OSBPL5: variants seen among roughly 807,000 people sequenced by gnomAD.
OSBPL5 encodes oxysterol-binding protein-related protein 5.
OSBPL5 carries 71 observed loss-of-function variants against 111.2 expected under a neutral mutation model. That is an observed-to-expected ratio of 0.64 (90% CI 0.53 to 0.78). The LOEUF (loss-of-function observed/expected upper bound fraction) is 0.78. Among genes scored for constraint, OSBPL5 ranks in the 30% least tolerant of loss-of-function variants. The probability of loss-of-function intolerance (pLI) is 0.00; values close to 1 mark genes in which losing one functional copy is unlikely to be tolerated. For synonymous variants in OSBPL5, 549 were observed against 513.9 expected (o/e 1.07, Z -0.93); for missense variants, 1,210 against 1,189.3 (o/e 1.02, Z -0.26).
rs139155313 is a variant in OSBPL5 at position 3,089,036 on chromosome 11, T to G, written c.2502-693A>C. Among the ~76,000 whole-genome samples, 1,261 of 152,326 alleles carry G rather than the reference T, an allele frequency of 8.3e-3. 8 individuals carry two copies. Among genetic ancestry groups the G allele is most frequent in the Middle Eastern group, 0.024 (7 of 294 alleles). The stretch of plus-strand genomic sequence containing the variant: ...CGGTATCCAGTTTGCTGCAGAAGCT[T>G]CTGGCTGAGTCCTGGCCACCTGCCT... On this transcript the variant is annotated intron_variant, in intron 21 of 21. Coordinates refer to ENST00000263650, the MANE Select transcript of OSBPL5 (RefSeq NM_020896.4).
At chr11:3,145,144 C>G (rs560581777) in intron 1 of OSBPL5, among the ~76,000 whole-genome samples, 1 of 152,356 alleles carries the variant, frequency 6.6e-6, no homozygotes, top group South Asian at 2.1e-4. Context: ...CTGCGTGCAC[C>G]TGGGCTGGCC....
intron 1 of OSBPL5, among the ~76,000 whole-genome samples, chr11:3,143,230 C>T (rs1371759034): frequency 7.0e-5 from 2 of 28,688 alleles, no homozygotes; most frequent in African/African-American, 3.3e-4. Flanking sequence ...GAGGCAGGTG[C>T]GGGGGGGGCA....
intron 14 of OSBPL5, among the ~76,000 whole-genome samples, chr11:3,098,045 G>C (rs1204208070): frequency 6.6e-6 from 1 of 152,102 alleles, no homozygotes; most frequent in Non-Finnish European, 1.5e-5. Flanking sequence ...TCCAGCCCGG[G>C]CAACAAGAGT....
At position 3,122,433 on chromosome 11, in the gene OSBPL5, AAG is replaced by A. The variant is rs748463988; in HGVS notation, c.220-7_220-6del. The stretch of plus-strand genomic sequence containing the variant: ...GTTGCACAGCCTGTACTCTGCCTGA[AAG>A]AGAGAGGTGGGTATGCGGGACAGGG... On this transcript the variant is annotated splice_polypyrimidine_tract_variant and splice_region_variant and intron_variant, in intron 3 of 21. Coordinates refer to ENST00000263650, the MANE Select transcript of OSBPL5 (RefSeq NM_020896.4). 6.2e-7 allele frequency: 1 copy of A among 1,613,290 alleles called. No individual in the cohort carries two copies. Among genetic ancestry groups the A allele is most frequent in the Non-Finnish European group, 8.5e-7 (1 of 1,179,746 alleles).
Position 3,107,475 on chromosome 11 carries a change from A to G in OSBPL5, c.867-20T>C. On this transcript the variant is annotated intron_variant, in intron 8 of 21. Transcript: ENST00000263650. The surrounding 1 kb of genome is among the most constrained non-coding windows in gnomAD (Gnocchi z 6.1). ...TTCAGTCTGGAAGGTGGATGGTGCC[A>G]GTGGGTCCCTGTCACAGGTGAGAGC... 2 of 1,613,132 alleles carry G rather than the reference A, an allele frequency of 1.2e-6. No homozygotes were observed. The highest frequency in any genetic ancestry group is 4.5e-5 in the East Asian group (2 of 44,866).
At chr11:3,124,019 A>G (rs770594187) in intron 3 of OSBPL5, among the ~76,000 whole-genome samples, 6 of 152,226 alleles carry the variant, frequency 3.9e-5, no homozygotes, top group Non-Finnish European at 1.5e-5. Context: ...ACCAGCCACC[A>G]GCACGCAGAG....
At chr11:3,120,651 C>A (rs1004975691) in intron 5 of OSBPL5, 27 bp from the exon 6 acceptor site, 2 of 1,606,540 alleles carry the variant, frequency 1.2e-6, no homozygotes, top group African/African-American at 2.7e-5. Flanking sequence ...GGCGTCGATG[C>A]CCACCCTCTG....
chr11:3,099,095 T>C (rs1385163988), intron 14 of OSBPL5, among the ~76,000 whole-genome samples: 1 of 152,218 alleles, frequency 6.6e-6, no homozygotes, highest in Non-Finnish European at 1.5e-5. Context: ...TGAGCCATCA[T>C]GCCTAGTGGA....
intron 19 of OSBPL5, among the ~76,000 whole-genome samples, chr11:3,091,190 G>T (rs917545156): frequency 1.3e-5 from 2 of 152,256 alleles, no homozygotes; most frequent in Admixed American, 1.3e-4. Context: ...ACAACCCCAG[G>T]AGTGCAGGCA....
chr11:3,137,552 C>T (rs751134172), intron 1 of OSBPL5, among the ~76,000 whole-genome samples: 4 of 152,164 alleles, frequency 2.6e-5, no homozygotes, highest in Non-Finnish European at 4.4e-5. Flanking sequence ...GGATTACAAG[C>T]CTGTAATCCC....
intron 14 of OSBPL5, among the ~76,000 whole-genome samples, chr11:3,098,757 A>C (rs1227765247): frequency 6.6e-6 from 1 of 151,612 alleles, no homozygotes; most frequent in Non-Finnish European, 1.5e-5. Context: ...CATTTGCCTC[A>C]ACCTCCCAAA....
intron 1 of OSBPL5, among the ~76,000 whole-genome samples, chr11:3,156,404 G>A (rs1846759684): frequency 6.6e-6 from 1 of 152,190 alleles, no homozygotes; most frequent in Admixed American, 6.5e-5. Context: ...ACTCTAACAC[G>A]ATCAGAAAGA....
chr11:3,160,638 G>A (rs1311215689), intron 1 of OSBPL5, among the ~76,000 whole-genome samples: 1 of 151,266 alleles, frequency 6.6e-6, no homozygotes, highest in Non-Finnish European at 1.5e-5. Flanking sequence ...TTCCTCTGCT[G>A]ACCATCCCCA....
intron 10 of OSBPL5, among the ~76,000 whole-genome samples, chr11:3,103,806 CT>C (rs879384450): frequency 0.47 from 51,821 of 109,732 alleles, 12,709 homozygotes; most frequent in East Asian, 0.74. Context: ...CTCTGCAGCC[CT>C]CTTCCTGCCT....
At chr11:3,133,982 TGG>T (rs371982247) in intron 1 of OSBPL5, among the ~76,000 whole-genome samples, 5 of 129,362 alleles carry the variant, frequency 3.9e-5, no homozygotes, top group African/African-American at 1.5e-4. Context: ...CGGGGCTTGG[TGG>T]GGGGGGGGTC....
intron 6 of OSBPL5, 82 bp from the exon 7 acceptor site, chr11:3,119,713 T>C: frequency 2.2e-6 from 3 of 1,375,992 alleles, no homozygotes; most frequent in Non-Finnish European, 2.9e-6. Context: ...ACCATGCGGA[T>C]CCACACCTGG....
At position 3,106,245 on chromosome 11, in the gene OSBPL5, C is replaced by T. The variant is rs1427387929; in HGVS notation, c.1059+1018G>A. On this transcript the variant is annotated intron_variant, in intron 9 of 21. Coordinates refer to ENST00000263650, the MANE Select transcript of OSBPL5 (RefSeq NM_020896.4). The surrounding 1 kb of genome is among the most constrained non-coding windows in gnomAD (Gnocchi z 8.4). ...TGTGCAGAGCAAGATGCGAACACGA[C>T]GCTGTCCAAACAACAGCAAGGAACG... is the stretch of plus-strand genomic sequence containing the variant. Among the ~76,000 whole-genome samples, 2 of 152,184 alleles carry T rather than the reference C, an allele frequency of 1.3e-5. No homozygotes were observed. Among genetic ancestry groups the T allele is most frequent in the South Asian group, 4.1e-4 (2 of 4,826 alleles).
intron 1 of OSBPL5, among the ~76,000 whole-genome samples, chr11:3,157,262 G>T (rs1226168111): frequency 2.0e-5 from 3 of 152,222 alleles, no homozygotes; most frequent in Non-Finnish European, 4.4e-5. Flanking sequence ...CAGATCTAAG[G>T]GAGTCAGGGC....
At position 3,103,744 on chromosome 11, in the gene OSBPL5, A is replaced by AGTCCCTTCC. The variant is rs200845515; in HGVS notation, c.1245-425_1245-424insGGAAGGGAC. On this transcript the variant is annotated intron_variant, in intron 10 of 21. Coordinates refer to ENST00000263650, the MANE Select transcript of OSBPL5 (RefSeq NM_020896.4). ...CTCTGCTGCCCCTTCCTGCCTCTGCAACCCTCTTCCAGCTCTGCAGCCCCC... is the reference window on the plus strand; with the variant it reads ...CTCTGCTGCCCCTTCCTGCCTCTGCAGTCCCTTCCACCCTCTTCCAGCTCTGCAGCCCCC... 2.2e-4 allele frequency among the ~76,000 whole-genome samples: 10 copies of AGTCCCTTCC among 46,320 alleles called. No individual in the cohort carries two copies. In the East Asian group the frequency reaches 4.8e-3, roughly 22 times the overall value. 30.4% of individuals were successfully genotyped at this position (46,320 alleles called of 152,430 possible).
Sources: gnomAD v4.1 joint callset for allele counts (sites outside exome capture counted in the v4.1 genomes callset) on GRCh38, gnomAD v4.1.1 for gene constraint, Gnocchi (gnomAD v3.1) non-coding constraint, MANE v1.5 for transcripts, NCBI Gene and HGNC (gene_info 2026-07-23, HGNC 2026-07-21) for gene names.